Variants in FOXP1 observed in about 807,000 individuals in gnomAD.
FOXP1 encodes the protein forkhead box protein P1.
A neutral mutation model predicts 98.2 loss-of-function variants in FOXP1; 15 were observed. That is an observed-to-expected ratio of 0.15 (90% CI 0.10 to 0.24). FOXP1 has a LOEUF of 0.24. Ranked by LOEUF, FOXP1 falls within the 10% of genes least tolerant of loss-of-function variation. The pLI is 1.00. For missense variants in FOXP1, 633 were observed against 848.5 expected (o/e 0.75, Z 3.15); for synonymous variants, 371 against 314.5 (o/e 1.18, Z -1.90).
At chr3:71,027,911 AGTTCTCATC>A (rs111560634) in intron 11 of FOXP1, among the ~76,000 whole-genome samples, 3 of 152,322 alleles carry the variant, frequency 2.0e-5, no homozygotes, top group African/African-American at 7.2e-5. Context: ...ACTTTAAGTA[AGTTCTCATC>A]CTCGGAAAGA....
intron 2 of FOXP1, among the ~76,000 whole-genome samples, chr3:71,578,032 C>T (rs1172298353): frequency 6.6e-6 from 1 of 151,564 alleles, no homozygotes; most frequent in Non-Finnish European, 1.5e-5. Flanking sequence ...AGAAGTGTGA[C>T]ATCTGACAGG....
At chr3:71,460,732 C>T (rs1560517347) in intron 3 of FOXP1, among the ~76,000 whole-genome samples, 1 of 152,212 alleles carries the variant, frequency 6.6e-6, no homozygotes, top group Non-Finnish European at 1.5e-5. Context: ...AGCTACCGCG[C>T]CTGGCCTAAT....
chr3:71,418,283 C>T (rs2083374861), intron 3 of FOXP1, among the ~76,000 whole-genome samples: 1 of 152,302 alleles, frequency 6.6e-6, no homozygotes, highest in Non-Finnish European at 1.5e-5. Flanking sequence ...ACCCTCCAAG[C>T]TGGCACAAGG....
intron 10 of FOXP1, among the ~76,000 whole-genome samples, chr3:71,046,053 TA>T (rs777080464): frequency 3.5e-4 from 54 of 152,138 alleles, no homozygotes; most frequent in Admixed American, 2.5e-3. Flanking sequence ...TGGCACTTTC[TA>T]CTTTCTCTTT....
chr3:71,366,708 G>C (rs1450641496), intron 3 of FOXP1, among the ~76,000 whole-genome samples: 1 of 152,102 alleles, frequency 6.6e-6, no homozygotes, highest in African/African-American at 2.4e-5. Flanking sequence ...CTTGTTTCCA[G>C]ACTAGAAGTG....
chr3:70,971,856 C>A, intron 18 of FOXP1: 3 of 477,576 alleles, frequency 6.3e-6, no homozygotes, highest in Non-Finnish European at 1.0e-5. Context: ...CAAAGAGAAA[C>A]GAGAGCAATA....
chr3:71,080,107 G>C, intron 7 of FOXP1, among the ~76,000 whole-genome samples: 1 of 152,140 alleles, frequency 6.6e-6, no homozygotes, highest in East Asian at 1.9e-4. Flanking sequence ...TCTCCTACCA[G>C]CTTTCTGTTT....
chr3:71,014,145 T>C (rs1032651545), intron 12 of FOXP1, among the ~76,000 whole-genome samples: 25 of 152,068 alleles, frequency 1.6e-4, no homozygotes, highest in Non-Finnish European at 3.1e-4. Flanking sequence ...AAAGCCAAAA[T>C]TGACAAATGG....
intron 3 of FOXP1, among the ~76,000 whole-genome samples, chr3:71,418,167 A>G (rs1431735722): frequency 6.6e-6 from 1 of 151,822 alleles, no homozygotes; most frequent in African/African-American, 2.4e-5. Flanking sequence ...AATTGCACCT[A>G]AAGCCAAAGG....
At chr3:70,984,743 C>T (rs1190257446) in intron 14 of FOXP1, among the ~76,000 whole-genome samples, 2 of 152,054 alleles carry the variant, frequency 1.3e-5, no homozygotes, top group South Asian at 2.1e-4. Flanking sequence ...GAAAGGCCGT[C>T]GAAGGAGTCT....
At chr3:71,309,264 T>C (rs1364955894) in intron 4 of FOXP1, among the ~76,000 whole-genome samples, 3 of 152,120 alleles carry the variant, frequency 2.0e-5, no homozygotes, top group Non-Finnish European at 2.9e-5. Flanking sequence ...TGAATTAATA[T>C]AAAATATGGT....
chr3:71,569,778 CCACT>C (rs1484532102), intron 2 of FOXP1, among the ~76,000 whole-genome samples: 6 of 151,802 alleles, frequency 4.0e-5, no homozygotes, highest in African/African-American at 1.2e-4. Flanking sequence ...AAATCAGTCT[CCACT>C]TTCTTTTTTT....
At chr3:71,120,669 G>A (rs1442012633) in intron 6 of FOXP1, among the ~76,000 whole-genome samples, 1 of 151,936 alleles carries the variant, frequency 6.6e-6, no homozygotes, top group African/African-American at 2.4e-5. Context: ...TACAGTCATG[G>A]GTCATGGGCA....
intron 4 of FOXP1, among the ~76,000 whole-genome samples, chr3:71,318,483 C>T (rs1304419310): frequency 1.3e-5 from 2 of 152,174 alleles, no homozygotes; most frequent in South Asian, 2.1e-4. Flanking sequence ...TTGCAATCAC[C>T]GAAATTGGCT....
chr3:71,333,557 T>G (rs1432141660), intron 4 of FOXP1: 1 of 152,248 alleles, frequency 6.6e-6, no homozygotes, highest in African/African-American at 2.4e-5. Flanking sequence ...GTACAGTGGC[T>G]CACACCTGTA....
chr3:71,328,704 G>T (rs1442794957), intron 4 of FOXP1, among the ~76,000 whole-genome samples: 1 of 152,070 alleles, frequency 6.6e-6, no homozygotes, highest in Non-Finnish European at 1.5e-5. Flanking sequence ...TGGGCGCAGT[G>T]GCTCATGCCT....
At position 71,048,333 on chromosome 3, in the gene FOXP1, T is replaced by C. The variant is rs1342345992; in HGVS notation, c.511-1238A>G. On this transcript the variant is annotated intron_variant, in intron 9 of 20. Coordinates refer to ENST00000649528, the MANE Select transcript of FOXP1 (RefSeq NM_001349338.3). ...AACCTAACACATGACCTTGATCTGA[T>C]ACATCCATAAAATGGTATGTATATC... Among the ~76,000 whole-genome samples, 4 of 152,204 alleles carry C rather than the reference T, an allele frequency of 2.6e-5. No individual in the cohort carries two copies. The East Asian group carries it at 5.8e-4, about 22-fold the overall frequency.
chr3:70,972,632 T>G lies in FOXP1; in HGVS notation c.1575A>C (p.Arg525=), dbSNP rs1180918851. The G allele has an allele frequency of 6.2e-7, 1 of 1,614,066 alleles. No homozygotes were observed. Among genetic ancestry groups the G allele is most frequent in the East Asian group, 2.2e-5 (1 of 44,884 alleles). The change falls in exon 18 of 21, where the codon CGA becomes CGC. Residue 525 remains arginine (R), a synonymous_variant. Transcript: ENST00000649528. ...ATACTGCCCCTTTAACGTTTTCTACTCGCACAAAACACTTGTGAAGACTAA... is the reference window on the plus strand; with the variant it reads ...ATACTGCCCCTTTAACGTTTTCTACGCGCACAAAACACTTGTGAAGACTAA... The part of the protein sequence containing the change: ...HNLSLHKCFV[R]VENVKGAVWT...
At chr3:71,487,801 C>A (rs557700815) in intron 3 of FOXP1, among the ~76,000 whole-genome samples, 1 of 152,148 alleles carries the variant, frequency 6.6e-6, no homozygotes, top group Admixed American at 6.5e-5. Flanking sequence ...CCGTAAGGGG[C>A]TTAGAGAGGA....
Sources: gnomAD v4.1 joint callset for allele counts (sites outside exome capture counted in the v4.1 genomes callset) on GRCh38, gnomAD v4.1.1 for gene constraint, MANE v1.5 for transcripts, NCBI Gene and HGNC (gene_info 2026-07-23, HGNC 2026-07-21) for gene names.